RTN3: variants seen among roughly 807,000 people sequenced by gnomAD.
RTN3 encodes the protein reticulon-3.
RTN3 carries 49 observed loss-of-function variants against 77.8 expected under a neutral mutation model. The ratio of observed to expected loss-of-function variants is 0.63; its 90% CI spans 0.50 to 0.80. RTN3 has a LOEUF of 0.80. RTN3 is among the 30% of genes least tolerant of loss of function. RTN3 has a pLI of 0.00. For synonymous variants in RTN3, 464 were observed against 446.9 expected (o/e 1.04, Z -0.48); for missense variants, 1,236 against 1,211.9 (o/e 1.02, Z -0.29).
intron 3 of RTN3, among the ~76,000 whole-genome samples, chr11:63,731,401 A>G (rs1457145593): frequency 1.3e-5 from 2 of 152,156 alleles, no homozygotes; most frequent in African/African-American, 4.8e-5. Flanking sequence ...GATTTAAATC[A>G]TACAAAATAT....
At position 63,759,153 on chromosome 11, in the gene RTN3, C is replaced by CT. The variant is rs1163529668; in HGVS notation, c.*953dup. The stretch of plus-strand genomic sequence containing the variant: ...TGAGTTTTTGTGATCCTATCTCAGT[C>CT]TGGGGGGGAACATTCTCAAGAGGTG... On this transcript the variant is annotated 3_prime_UTR_variant, in exon 9 of 9. Coordinates refer to ENST00000377819, the MANE Select transcript of RTN3 (RefSeq NM_001265589.2). 6.6e-6 allele frequency: 1 copy of CT among 152,196 alleles called. No individual in the cohort carries two copies. Among genetic ancestry groups the CT allele is most frequent in the Non-Finnish European group, 1.5e-5 (1 of 68,050 alleles). 9.4% of individuals were successfully genotyped at this position (152,196 alleles called of 1,614,324 possible). A position where few individuals can be genotyped will look rare whatever the true frequency, so the allele number is the denominator to read the frequency against.
At position 63,750,185 on chromosome 11, in the gene RTN3, G is replaced by C; in HGVS notation, c.2725G>C (p.Gly909Arg). 2 of 1,611,818 alleles carry C rather than the reference G, an allele frequency of 1.2e-6. No individual in the cohort carries two copies. ...VIQAVQKSEE[G>R]HPFKAYLDVD... is the part of the protein sequence containing the mutation. ...CCAAGCTGTACAGAAGTCAGAAGAA[G>C]GCCATCCATTCAAGTGAGTTGAAGT... Residue 909 changes from glycine to arginine, a missense_variant, in exon 4 of 9, where the codon GGC becomes CGC. Physicochemically the swap from Gly to Arg is moderately radical, Grantham distance 125. This residue lies in a region of RTN3 where 141 missense variants were observed against 154.9 expected (regional missense o/e 0.91). Transcript: ENST00000377819.
At chr11:63,715,152 C>G (rs1279619316) in intron 2 of RTN3, among the ~76,000 whole-genome samples, 1 of 152,184 alleles carries the variant, frequency 6.6e-6, no homozygotes, top group Non-Finnish European at 1.5e-5. Flanking sequence ...ATTGATTTTG[C>G]TTATTGTCTG....
intron 1 of RTN3, among the ~76,000 whole-genome samples, chr11:63,693,309 C>T (rs762737270): frequency 2.6e-5 from 4 of 152,038 alleles, no homozygotes; most frequent in African/African-American, 4.8e-5. Context: ...CATGGAGAAA[C>T]GCCATCTCTA....
rs369257228 is a variant in RTN3 at position 63,756,176 on chromosome 11, T to G, written c.3053+6T>G. On this transcript the variant is annotated splice_donor_region_variant and intron_variant, in intron 8 of 8. Coordinates refer to ENST00000377819, the MANE Select transcript of RTN3 (RefSeq NM_001265589.2). ...ACCAAGTCAATTGTTGAAAAGTAAG[T>G]ACATTTAGAGACCACATCATCATGA... is the stretch of plus-strand genomic sequence containing the variant. 1.2e-6 allele frequency: 2 copies of G among 1,602,940 alleles called. No individual in the cohort carries two copies. Among genetic ancestry groups the G allele is most frequent in the Non-Finnish European group, 1.7e-6 (2 of 1,169,848 alleles).
At chr11:63,741,204 TATTTA>T (rs2013449363) in intron 3 of RTN3, among the ~76,000 whole-genome samples, 7 of 148,194 alleles carry the variant, frequency 4.7e-5, no homozygotes, top group East Asian at 1.9e-4. Context: ...TTTATTTATT[TATTTA>T]TTTATTTTTT....
chr11:63,738,745 G>A (rs915701760), intron 3 of RTN3, among the ~76,000 whole-genome samples: 5 of 151,758 alleles, frequency 3.3e-5, no homozygotes, highest in Non-Finnish European at 7.4e-5. Flanking sequence ...TTCTACCTTT[G>A]AGGTGTATAC....
rs761103637 is a variant in RTN3, at chr11:63,721,021, C to G, written c.2519C>G (p.Thr840Arg). The change falls in exon 3 of 9, where the codon ACA becomes AGA. Residue 840 changes from threonine to arginine, a missense_variant. This residue lies in a region of RTN3 where 1,056 missense variants were observed against 990.4 expected (regional missense o/e 1.07). Transcript: ENST00000377819. The stretch of plus-strand genomic sequence containing the variant: ...AAGCATGTCCTAGCAAGACTTCTGA[C>G]AGACTTCTCAGGTAACCATTTATAT... Reference protein sequence around the residue: ...VKKHVLARLLTDFSVHDLIFW... With the variant: ...VKKHVLARLLRDFSVHDLIFW... The G allele has an allele frequency of 1.9e-6, 3 of 1,594,418 alleles. No individual in the cohort carries two copies. Among genetic ancestry groups the G allele is most frequent in the Non-Finnish European group, 1.7e-6 (2 of 1,168,836 alleles).
At position 63,752,529 on chromosome 11, in the gene RTN3, A is replaced by G; in HGVS notation, c.2761A>G (p.Thr921Ala). The change falls in exon 5 of 9, where the codon ACT (threonine) becomes GCT (alanine). Residue 921 changes from threonine (T) to alanine (A), a missense_variant. Physicochemically the swap from Thr to Ala is moderately conservative, Grantham distance 58. Around this residue, in one of 3 missense-constraint regions of RTN3, gnomAD observed 141 missense variants for 154.9 expected, o/e 0.91. Coordinates refer to ENST00000377819, the MANE Select transcript of RTN3 (RefSeq NM_001265589.2). ...AAGAGCCTACCTGGACGTAGACATT[A>G]CTCTGTCCTCAGAAGCTTTCCATAA... is the stretch of plus-strand genomic sequence containing the variant. The part of the protein sequence containing the change: ...PFKAYLDVDI[T>A]LSSEAFHNYM... 6.2e-7 allele frequency: 1 copy of G among 1,613,408 alleles called. No homozygotes were observed. The highest frequency in any genetic ancestry group is 8.5e-7 in the Non-Finnish European group (1 of 1,179,354).
chr11:63,741,348 G>A (rs918158050), intron 3 of RTN3, among the ~76,000 whole-genome samples: 3 of 150,056 alleles, frequency 2.0e-5, no homozygotes, highest in South Asian at 2.1e-4. Context: ...GGCTACAGGC[G>A]TGTGCCACCA....
intron 3 of RTN3, among the ~76,000 whole-genome samples, chr11:63,738,005 C>T (rs116189695): frequency 6.6e-6 from 1 of 152,252 alleles, no homozygotes; most frequent in African/African-American, 2.4e-5. Context: ...TTTCAGCAGC[C>T]ACAAAATTTG....
chr11:63,738,123 T>C (rs1319500671), intron 3 of RTN3, among the ~76,000 whole-genome samples: 1 of 152,244 alleles, frequency 6.6e-6, no homozygotes, highest in Non-Finnish European at 1.5e-5. Context: ...AAATAATCTG[T>C]GTAAAAATGT....
At chr11:63,704,773 C>A in intron 1 of RTN3, 78 bp from the exon 2 acceptor site, 2 of 1,007,808 alleles carry the variant, frequency 2.0e-6, no homozygotes. Context: ...TTGGCTCTTC[C>A]TCCCCATCAA....
intron 1 of RTN3, among the ~76,000 whole-genome samples, chr11:63,693,678 C>T (rs1263371796): frequency 2.0e-5 from 3 of 152,144 alleles, no homozygotes; most frequent in African/African-American, 7.2e-5. Context: ...GAGAGTTTTC[C>T]TGTAAGCCCA....
At chr11:63,738,542 T>C (rs2013276562) in intron 3 of RTN3, among the ~76,000 whole-genome samples, 1 of 150,692 alleles carries the variant, frequency 6.6e-6, no homozygotes, top group Non-Finnish European at 1.5e-5. Flanking sequence ...CTTGGGAGGC[T>C]GAGGCAGGAG....
At chr11:63,749,542 G>C (rs1456482327) in intron 3 of RTN3, among the ~76,000 whole-genome samples, 1 of 152,088 alleles carries the variant, frequency 6.6e-6, no homozygotes, top group Non-Finnish European at 1.5e-5. Context: ...GCAAGATTTT[G>C]CCACACCTGC....
chr11:63,752,428 T>A, intron 4 of RTN3, 79 bp from the exon 5 acceptor site: 1 of 1,428,476 alleles, frequency 7.0e-7, no homozygotes, highest in South Asian at 1.2e-5. Context: ...GGGAACCAAT[T>A]TTACATTCTC....
chr11:63,750,827 G>A (rs897635453), intron 4 of RTN3, among the ~76,000 whole-genome samples: 3 of 152,038 alleles, frequency 2.0e-5, no homozygotes, highest in Admixed American at 2.0e-4. Context: ...CTCCTCCTGG[G>A]TTCATGCCAT....
chr11:63,740,919 A>C (rs1179947442), intron 3 of RTN3, among the ~76,000 whole-genome samples: 1 of 152,176 alleles, frequency 6.6e-6, no homozygotes, highest in Non-Finnish European at 1.5e-5. Flanking sequence ...TAATCCACTT[A>C]ATCCTGGCAA....
Sources: allele counts gnomAD v4.1 joint callset (sites outside exome capture counted in the v4.1 genomes callset), GRCh38; gene constraint gnomAD v4.1.1; regional missense constraint gnomAD v4.1.1; transcripts MANE v1.5; gene names NCBI Gene and HGNC (gene_info 2026-07-23, HGNC 2026-07-21).